The following RARB variants were observed in gnomAD, a reference collection of about 807,000 sequenced individuals.
The protein encoded by RARB is retinoic acid receptor beta.
A neutral mutation model predicts 51.9 loss-of-function variants in RARB; 17 were observed. The ratio of observed to expected loss-of-function variants is 0.33; its 90% CI spans 0.22 to 0.49. The LOEUF is 0.49. Among genes scored for constraint, RARB ranks in the 20% least tolerant of loss-of-function variants. RARB has a pLI of 0.99. For missense variants in RARB, 369 were observed against 550.8 expected, an observed-to-expected ratio of 0.67 and a Z score of 3.30; for synonymous variants, 215 against 195.4, an observed-to-expected ratio of 1.10 and a Z score of -0.84.
At chr3:25,312,650 A>G (rs556970613) in intron 5 of RARB, among the ~76,000 whole-genome samples, 17 of 152,358 alleles carry the variant, frequency 1.1e-4, no homozygotes, top group African/African-American at 3.8e-4. Flanking sequence ...TTGTACAATT[A>G]TGGCCCAAAC....
chr3:25,090,954 C>G (rs1699187330), intron 3 of RARB, among the ~76,000 whole-genome samples: 1 of 152,048 alleles, frequency 6.6e-6, no homozygotes, highest in South Asian at 2.1e-4. Context: ...AATATGAAGC[C>G]TATTGGCTGT....
chr3:25,015,889 T>C (rs985142635), intron 2 of RARB, among the ~76,000 whole-genome samples: 1 of 152,198 alleles, frequency 6.6e-6, no homozygotes, highest in Non-Finnish European at 1.5e-5. Flanking sequence ...ATAAATCAAG[T>C]CATATCATGT....
intron 2 of RARB, among the ~76,000 whole-genome samples, chr3:25,027,680 A>C (rs1475583889): frequency 1.0e-5 from 1 of 96,324 alleles, no homozygotes; most frequent in Non-Finnish European, 2.2e-5. Context: ...AGAGATTTCT[A>C]TCAAAATGCT....
chr3:24,921,016 T>G (rs565551715), intron 2 of RARB, among the ~76,000 whole-genome samples: 2 of 152,302 alleles, frequency 1.3e-5, no homozygotes, highest in South Asian at 4.1e-4. Context: ...AGGTCAAGGC[T>G]TACTGGTGCA....
At chr3:24,944,810 T>C (rs1695739869) in intron 2 of RARB, among the ~76,000 whole-genome samples, 1 of 152,222 alleles carries the variant, frequency 6.6e-6, no homozygotes, top group South Asian at 2.1e-4. Context: ...ACTATGATGT[T>C]AGTGCCAACC....
chr3:25,507,506 G>C (rs139648810), intron 3 of RARB, among the ~76,000 whole-genome samples: 1 of 152,300 alleles, frequency 6.6e-6, no homozygotes, highest in East Asian at 1.9e-4. Flanking sequence ...ATCCTGTTTA[G>C]ACAGCAGTGT....
chr3:25,102,027 A>T (rs1699409698), intron 3 of RARB, among the ~76,000 whole-genome samples: 1 of 152,160 alleles, frequency 6.6e-6, no homozygotes, highest in African/African-American at 2.4e-5. Context: ...TTAAACCAAC[A>T]TTTTTGGATC....
chr3:24,881,578 T>C (rs1247366370), intron 2 of RARB, among the ~76,000 whole-genome samples: 1 of 152,146 alleles, frequency 6.6e-6, no homozygotes, highest in East Asian at 1.9e-4. Context: ...ATTTTCATAA[T>C]GAAAAATAAA....
chr3:24,930,352 G>A (rs2363525), intron 2 of RARB, among the ~76,000 whole-genome samples: 64,004 of 151,830 alleles, frequency 0.42, 14,027 homozygotes, highest in East Asian at 0.53. Context: ...CATTAACTGC[G>A]TTTGTGAGTG....
Position 24,853,052 on chromosome 3 carries a change from C to T in RARB, c.-458-5622C>T, listed in dbSNP as rs545847368. 3.3e-5 allele frequency among the ~76,000 whole-genome samples: 5 copies of T among 151,970 alleles called. No individual in the cohort carries two copies. The South Asian group carries it at 6.2e-4, about 19-fold the overall frequency. ...CGAACTGGCTGGGCACGGTGGCTCACGCCTGTAATCCCAGCACTTTGGGAG... is the reference window on the plus strand; with the variant it reads ...CGAACTGGCTGGGCACGGTGGCTCATGCCTGTAATCCCAGCACTTTGGGAG... On this transcript the variant is annotated intron_variant, in intron 1 of 11. Coordinates refer to the RARB transcript ENST00000383772.
intron 2 of RARB, among the ~76,000 whole-genome samples, chr3:24,977,123 T>C (rs1696534158): frequency 6.6e-6 from 1 of 152,150 alleles, no homozygotes; most frequent in East Asian, 1.9e-4. Flanking sequence ...GGTCTATATA[T>C]CTGTTTTGGT....
chr3:24,838,862 A>T (rs2125329234), intron 1 of RARB, among the ~76,000 whole-genome samples: 1 of 152,042 alleles, frequency 6.6e-6, no homozygotes, highest in Non-Finnish European at 1.5e-5. Context: ...AGTAATGACA[A>T]ATTATATGAG....
intron 3 of RARB, among the ~76,000 whole-genome samples, chr3:25,118,148 A>G (rs1256429787): frequency 1.3e-5 from 2 of 152,188 alleles, no homozygotes; most frequent in Non-Finnish European, 2.9e-5. Flanking sequence ...AACTTTTTCT[A>G]GAGAGGACAC....
At chr3:24,901,042 G>C (rs964710129) in intron 2 of RARB, among the ~76,000 whole-genome samples, 1 of 152,158 alleles carries the variant, frequency 6.6e-6, no homozygotes, top group Non-Finnish European at 1.5e-5. Context: ...CCCTCCACTA[G>C]TGGAAATTTA....
chr3:25,269,006 T>C (rs1703189901), intron 5 of RARB, among the ~76,000 whole-genome samples: 1 of 152,188 alleles, frequency 6.6e-6, no homozygotes, highest in African/African-American at 2.4e-5. Flanking sequence ...GAGCAATAAA[T>C]GGATAAAGTA....
chr3:25,130,986 A>G (rs1353317174), intron 3 of RARB, among the ~76,000 whole-genome samples: 1 of 30,846 alleles, frequency 3.2e-5, no homozygotes, highest in African/African-American at 1.2e-4. Context: ...TATTGATAAT[A>G]TTATCAATAT....
intron 4 of RARB, among the ~76,000 whole-genome samples, chr3:25,146,332 C>T (rs1700189259): frequency 6.6e-6 from 1 of 152,038 alleles, no homozygotes; most frequent in African/African-American, 2.4e-5. Context: ...ATGGGGGGAC[C>T]ACATATCATC....
Position 25,577,825 on chromosome 3 carries a change from C to T in RARB, c.610-2721C>T, listed in dbSNP as rs561167775. On this transcript the variant is annotated intron_variant, in intron 4 of 7. Transcript: ENST00000330688. ...GATTTCATAGTAGGGTTGGGCTTTT[C>T]TGCTGCTTAAGATGGCCCTGGGGGG... is the stretch of plus-strand genomic sequence containing the variant. 7.8e-4 allele frequency among the ~76,000 whole-genome samples: 118 copies of T among 152,218 alleles called. 1 individual carries two copies. The highest frequency in any genetic ancestry group is 2.6e-3 in the African/African-American group (110 of 41,538).
chr3:25,023,882 G>T (rs1697690255), intron 2 of RARB, among the ~76,000 whole-genome samples: 1 of 152,176 alleles, frequency 6.6e-6, no homozygotes, highest in African/African-American at 2.4e-5. Context: ...GTGGGTGTTT[G>T]GGGAGGTGGG....
Sources: allele counts gnomAD v4.1 joint callset (sites outside exome capture counted in the v4.1 genomes callset), GRCh38; gene constraint gnomAD v4.1.1; transcripts MANE v1.5; gene names NCBI Gene and HGNC (gene_info 2026-07-23, HGNC 2026-07-21).